Variants in RBFOX3 observed in about 807,000 individuals in gnomAD.
RBFOX3 encodes the protein RNA binding protein fox-1 homolog 3.
RBFOX3 carries 17 observed loss-of-function variants against 48.7 expected under a neutral mutation model. The ratio of observed to expected loss-of-function variants is 0.35; its 90% CI spans 0.24 to 0.52. RBFOX3 has a LOEUF of 0.52. Ranked by LOEUF, RBFOX3 falls within the 20% of genes least tolerant of loss-of-function variation. The probability of loss-of-function intolerance (pLI) is 0.94; values close to 1 mark genes in which losing one functional copy is unlikely to be tolerated. For synonymous variants in RBFOX3, 212 were observed against 209.5 expected (o/e 1.01, Z -0.10); for missense variants, 382 against 497.5 (o/e 0.77, Z 2.21).
rs779715166 is a variant in RBFOX3 at position 79,393,715 on chromosome 17, C to T, written c.-174-85891G>A. On this transcript the variant is annotated intron_variant, in intron 2 of 14. Coordinates refer to ENST00000693108, the MANE Select transcript of RBFOX3 (RefSeq NM_001350451.2). The stretch of plus-strand genomic sequence containing the variant: ...AGCCGGTCATCACGCACATCTGAGC[C>T]GGTCATCATACACATCATCTGAGCT... 1.6e-4 allele frequency among the ~76,000 whole-genome samples: 24 copies of T among 148,264 alleles called. No homozygotes were observed. In the South Asian group the frequency reaches 3.5e-3, roughly 21 times the overall value.
chr17:79,419,855 G>A (rs960016299), intron 2 of RBFOX3, among the ~76,000 whole-genome samples: 9 of 152,272 alleles, frequency 5.9e-5, no homozygotes, highest in East Asian at 1.9e-4. Flanking sequence ...GGCCGGGCGC[G>A]GTGGCTCATG....
At chr17:79,625,960 G>A in the RBFOX3 span, among the ~76,000 whole-genome samples, 5 of 152,338 alleles carry the variant, frequency 3.3e-5, no homozygotes, top group African/African-American at 1.2e-4. Context: ...TTGGGGGGAC[G>A]AGGTGCTGTT....
At chr17:79,286,875 T>C (rs1012291717) in intron 3 of RBFOX3, among the ~76,000 whole-genome samples, 7 of 152,170 alleles carry the variant, frequency 4.6e-5, no homozygotes, top group African/African-American at 1.7e-4. Context: ...TCAGACACTG[T>C]CAGAAGCCTG....
chr17:79,177,121 A>C (rs895709745), intron 4 of RBFOX3, among the ~76,000 whole-genome samples: 13 of 152,148 alleles, frequency 8.5e-5, no homozygotes, highest in African/African-American at 3.1e-4. Flanking sequence ...CCCAGGTGCC[A>C]CATGGGCCTA....
intron 8 of RBFOX3, 100 bp from the exon 9 acceptor site, chr17:79,101,744 C>G: frequency 9.3e-7 from 1 of 1,071,530 alleles, no homozygotes; most frequent in South Asian, 1.3e-5. Flanking sequence ...CCCCCGGCAC[C>G]CCCCGCCCCA....
chr17:79,296,768 CCTCT>C (rs923926299), intron 3 of RBFOX3, among the ~76,000 whole-genome samples: 11 of 149,138 alleles, frequency 7.4e-5, no homozygotes, highest in Admixed American at 2.0e-4. Context: ...TTTTACTACT[CCTCT>C]CTGTCTTTCT....
At chr17:79,453,759 C>T (rs1555743056) in intron 2 of RBFOX3, among the ~76,000 whole-genome samples, 5 of 152,024 alleles carry the variant, frequency 3.3e-5, no homozygotes, top group African/African-American at 9.7e-5. Context: ...CCCAGAGGAC[C>T]CTGGGGGAGA....
chr17:79,382,738 G>A (rs1411213177), intron 2 of RBFOX3, among the ~76,000 whole-genome samples: 3 of 152,202 alleles, frequency 2.0e-5, no homozygotes, highest in East Asian at 1.9e-4. Context: ...CCTGGGCAGC[G>A]CCCTCTTGCC....
chr17:79,575,931 G>C (rs2144674421), intron 1 of RBFOX3, among the ~76,000 whole-genome samples: 1 of 152,366 alleles, frequency 6.6e-6, no homozygotes, highest in Admixed American at 6.5e-5. Flanking sequence ...CGCCAGTCCT[G>C]TTGGGAGCTT....
chr17:79,416,496 C>T (rs1340984360), intron 2 of RBFOX3, among the ~76,000 whole-genome samples: 1 of 152,244 alleles, frequency 6.6e-6, no homozygotes, highest in Non-Finnish European at 1.5e-5. Context: ...TTCCAGGATC[C>T]AAGACAGCGA....
At chr17:79,316,574 C>T (rs1475285327) in intron 2 of RBFOX3, among the ~76,000 whole-genome samples, 1 of 152,238 alleles carries the variant, frequency 6.6e-6, no homozygotes, top group African/African-American at 2.4e-5. Context: ...AAATGAGGAG[C>T]CTGGGCCACA....
chr17:79,329,388 C>T (rs9895586), intron 2 of RBFOX3, among the ~76,000 whole-genome samples: 2 of 151,850 alleles, frequency 1.3e-5, no homozygotes, highest in Non-Finnish European at 2.9e-5. Context: ...ACACTCCTGC[C>T]GGTGATCCTG....
intron 2 of RBFOX3, among the ~76,000 whole-genome samples, chr17:79,343,621 T>C (rs1346677091): frequency 1.3e-5 from 2 of 152,182 alleles, no homozygotes; most frequent in African/African-American, 4.8e-5. Flanking sequence ...GGGCATCAGC[T>C]TCCCTTCTTG....
intron 4 of RBFOX3, among the ~76,000 whole-genome samples, chr17:79,211,949 G>A (rs1283669926): frequency 6.6e-6 from 1 of 152,160 alleles, no homozygotes; most frequent in Non-Finnish European, 1.5e-5. Flanking sequence ...CAAGACAGAT[G>A]AGACCCCTGC....
chr17:79,300,773 C>A (rs189518537), intron 3 of RBFOX3, among the ~76,000 whole-genome samples: 1 of 152,222 alleles, frequency 6.6e-6, no homozygotes, highest in East Asian at 1.9e-4. Context: ...AGACGTGACC[C>A]TGTGCCTCTG....
intron 3 of RBFOX3, among the ~76,000 whole-genome samples, chr17:79,264,330 C>T (rs2066311393): frequency 6.6e-6 from 1 of 151,830 alleles, no homozygotes; most frequent in Non-Finnish European, 1.5e-5. Context: ...TGTGCGTCGC[C>T]CTCCCAAAGT....
At chr17:79,123,959 T>C (rs1054149179) in intron 4 of RBFOX3, among the ~76,000 whole-genome samples, 2 of 152,224 alleles carry the variant, frequency 1.3e-5, no homozygotes, top group Non-Finnish European at 2.9e-5. Context: ...CCAAGGTGCC[T>C]GCCCAGGGTC....
At chr17:79,401,516 A>G (rs2062802772) in intron 2 of RBFOX3, among the ~76,000 whole-genome samples, 1 of 152,218 alleles carries the variant, frequency 6.6e-6, no homozygotes, top group Admixed American at 6.5e-5. Context: ...GTGTGTTCCC[A>G]GTGTGCACGT....
At chr17:79,108,472 A>G (rs1005346794) in intron 5 of RBFOX3, among the ~76,000 whole-genome samples, 1 of 152,196 alleles carries the variant, frequency 6.6e-6, no homozygotes, top group African/African-American at 2.4e-5. Flanking sequence ...GCGGGCAACC[A>G]AAGGAGTGCT....
Sources: gnomAD v4.1 joint callset for allele counts (sites outside exome capture counted in the v4.1 genomes callset) on GRCh38, gnomAD v4.1.1 for gene constraint, MANE v1.5 for transcripts, NCBI Gene and HGNC (gene_info 2026-07-23, HGNC 2026-07-21) for gene names.